CCDC146: variants seen among roughly 807,000 people sequenced by gnomAD.
CCDC146 encodes the protein coiled-coil domain-containing protein 146.
Under a neutral mutation model 119.3 loss-of-function variants are expected in CCDC146, and 92 were observed. That is an observed-to-expected ratio of 0.77 (90% CI 0.65 to 0.92). The LOEUF (loss-of-function observed/expected upper bound fraction) is 0.92, where lower values mean the gene tolerates loss of function less well. Ranked by LOEUF, CCDC146 falls within the 40% of genes least tolerant of loss-of-function variation. The pLI is 0.00. For missense variants in CCDC146, 1,000 were observed against 1,103.0 expected, an observed-to-expected ratio of 0.91 and a Z score of 1.32; for synonymous variants, 372 against 371.8, an observed-to-expected ratio of 1.00 and a Z score of -0.01.
chr7:77,196,010 T>C lies in CCDC146; in HGVS notation c.156+28186T>C, dbSNP rs866620690. 18 of 368,498 alleles carry C rather than the reference T, an allele frequency of 4.9e-5. No individual in the cohort carries two copies. The highest frequency in any genetic ancestry group is 2.9e-4 in the African/African-American group (14 of 47,908). 22.8% of individuals were successfully genotyped at this position (368,498 alleles called of 1,614,324 possible). ...ATACAAGCAATAGAAAAAGTTTCAATAGAAATTAAAAGAATTGTAAATCTA... is the reference window on the plus strand; with the variant it reads ...ATACAAGCAATAGAAAAAGTTTCAACAGAAATTAAAAGAATTGTAAATCTA... On this transcript the variant is annotated intron_variant, in intron 2 of 18. Coordinates refer to ENST00000285871, the MANE Select transcript of CCDC146 (RefSeq NM_020879.3). This position sits in a 1 kb window ranked among gnomAD's most constrained non-coding sequence, Gnocchi z 4.2.
intron 2 of CCDC146, among the ~76,000 whole-genome samples, chr7:77,190,715 C>A (rs1791747369): frequency 6.6e-6 from 1 of 152,180 alleles, no homozygotes; most frequent in African/African-American, 2.4e-5. Flanking sequence ...GGAGACCTGG[C>A]AAGCTTATGA....
At chr7:77,290,135 A>G (rs7798632) in intron 17 of CCDC146, among the ~76,000 whole-genome samples, 79,164 of 151,134 alleles carry the variant, frequency 0.52, 22,413 homozygotes, top group African/African-American at 0.74. Context: ...GCAAACTATC[A>G]CAAGGACAAA....
chr7:77,258,738 TCTGTAC>T (rs1243057924), intron 6 of CCDC146, among the ~76,000 whole-genome samples: 2 of 152,182 alleles, frequency 1.3e-5, no homozygotes. Flanking sequence ...TGGAGGAGCA[TCTGTAC>T]CTCCATAAAG....
At chr7:77,135,580 C>T (rs560743680) in intron 1 of CCDC146, among the ~76,000 whole-genome samples, 14 of 152,182 alleles carry the variant, frequency 9.2e-5, no homozygotes. Context: ...ATCAGTTAGC[C>T]TATAGTAATA....
intron 1 of CCDC146, among the ~76,000 whole-genome samples, chr7:77,151,077 T>C (rs1056307770): frequency 1.3e-5 from 2 of 152,204 alleles, no homozygotes; most frequent in Admixed American, 6.5e-5. Context: ...GGTGCCAACA[T>C]AGTCACCTTC....
rs769909418 is a variant in CCDC146, at chr7:77,259,986, GTGTGTGTGTGTA to G, written c.759-21_759-10del. 6 of 576,502 alleles carry G rather than the reference GTGTGTGTGTGTA, an allele frequency of 1.0e-5. No individual in the cohort carries two copies. The highest frequency in any genetic ancestry group is 2.8e-5 in the African/African-American group (1 of 35,358). The allele number at this position is 576,502 out of a possible 1,614,324, so 35.7% of individuals were successfully genotyped here. ...TGTGTGTGTGTGTGTGTGTGTGTGT[GTGTGTGTGTGTA>G]TCCCCTACAGAGAAATGGAAAAGAA... On this transcript the variant is annotated splice_polypyrimidine_tract_variant and intron_variant, in intron 7 of 18. Transcript: ENST00000285871.
chr7:77,280,629 A>C lies in CCDC146; in HGVS notation c.1895A>C (p.Lys632Thr). 6.2e-7 allele frequency: 1 copy of C among 1,613,292 alleles called. No individual in the cohort carries two copies. The change falls in exon 14 of 19, where the codon AAA becomes ACA. Residue 632 changes from lysine to threonine, a missense_variant. This residue lies in a region of CCDC146 where 985 missense variants were observed against 1,045.3 expected (regional missense o/e 0.94). Transcript: ENST00000285871. Reference protein sequence around the residue: ...EMVQLRKRYEKAVQHRNESGV... With the variant: ...EMVQLRKRYETAVQHRNESGV... ...GTGCAGCTTCGCAAAAGATACGAAA[A>C]AGCTGTTCAGCATCGAAATGAAAGG...
intron 11 of CCDC146, among the ~76,000 whole-genome samples, chr7:77,278,302 T>TCTTTG (rs1562859695): frequency 6.6e-6 from 1 of 152,178 alleles, no homozygotes; most frequent in Non-Finnish European, 1.5e-5. Flanking sequence ...TTCTCTTCTC[T>TCTTTG]CGTTTGTTCT....
intron 1 of CCDC146, among the ~76,000 whole-genome samples, chr7:77,132,796 A>G (rs937714426): frequency 2.0e-5 from 3 of 152,180 alleles, no homozygotes; most frequent in African/African-American, 7.2e-5. Context: ...AAGCAGTGTA[A>G]TTCACCACTC....
At chr7:77,247,335 C>A (rs1792971233) in intron 4 of CCDC146, among the ~76,000 whole-genome samples, 1 of 107,204 alleles carries the variant, frequency 9.3e-6, no homozygotes, top group South Asian at 3.6e-4. Context: ...CTTGCTGTCA[C>A]CATTTTGAAA....
rs1790846311 is a variant in CCDC146 at position 77,135,342 on chromosome 7, G to A, written c.-12+12610G>A. On this transcript the variant is annotated intron_variant, in intron 1 of 18. Coordinates refer to ENST00000285871, the MANE Select transcript of CCDC146 (RefSeq NM_020879.3). ...ATCTCTACAAAAAATACAAAAATTA[G>A]CCAGATGTGGTGGTGTGCATCTGTA... 2.0e-5 allele frequency among the ~76,000 whole-genome samples: 3 copies of A among 151,962 alleles called. No homozygotes were observed. In the South Asian group the frequency reaches 6.2e-4, roughly 32 times the overall value.
intron 2 of CCDC146, among the ~76,000 whole-genome samples, chr7:77,175,224 C>T (rs914894208): frequency 2.0e-5 from 3 of 150,902 alleles, no homozygotes; most frequent in Admixed American, 6.6e-5. Context: ...ATTATTTCGC[C>T]TAAGCGAAAT....
chr7:77,280,197 G>A (rs191986384), intron 13 of CCDC146, among the ~76,000 whole-genome samples: 2 of 151,984 alleles, frequency 1.3e-5, no homozygotes, highest in Admixed American at 1.3e-4. Context: ...CAGAACATTG[G>A]GGGGAAAAGG....
At position 77,260,161 on chromosome 7, in the gene CCDC146, A is replaced by C. The variant is rs976390847; in HGVS notation, c.911A>C (p.Lys304Thr). Reference sequence around the variant, plus strand: ...GGCAAACGAGCCTTACTTGAAATCAAAGAACGAGAACATAACCAATTGGTC... The same window carrying C: ...GGCAAACGAGCCTTACTTGAAATCACAGAACGAGAACATAACCAATTGGTC... Reference protein sequence around the residue: ...VEGKRALLEIKEREHNQLVKL... With the variant: ...VEGKRALLEITEREHNQLVKL... The change falls in exon 8 of 19, where the codon AAA (lysine) becomes ACA (threonine). Residue 304 changes from lysine to threonine, a missense_variant. Lys to Thr is a moderately conservative substitution (Grantham distance 78). Transcript: ENST00000285871. 6.2e-7 allele frequency: 1 copy of C among 1,614,168 alleles called. No homozygotes were observed.
intron 2 of CCDC146, among the ~76,000 whole-genome samples, chr7:77,224,929 G>C (rs1219599871): frequency 6.6e-6 from 1 of 152,136 alleles, no homozygotes; most frequent in East Asian, 1.9e-4. Context: ...TGAAAGGGGA[G>C]GGAATGAAGG....
intron 1 of CCDC146, among the ~76,000 whole-genome samples, chr7:77,128,415 T>C (rs1790738884): frequency 6.6e-6 from 1 of 151,944 alleles, no homozygotes. Flanking sequence ...AATTCATTCA[T>C]ACAAAAGAAT....
At chr7:77,146,872 C>T (rs1036260729) in intron 1 of CCDC146, among the ~76,000 whole-genome samples, 1 of 152,162 alleles carries the variant, frequency 6.6e-6, no homozygotes, top group Admixed American at 6.5e-5. Context: ...TTTGGTGAAT[C>T]TGACAATTAT....
At chr7:77,267,754 C>T (rs1793435281) in intron 9 of CCDC146, among the ~76,000 whole-genome samples, 1 of 152,184 alleles carries the variant, frequency 6.6e-6, no homozygotes, top group African/African-American at 2.4e-5. Flanking sequence ...AATTTATAAA[C>T]ATCCTGTTTT....
chr7:77,169,640 T>A (rs1791388002), intron 2 of CCDC146, among the ~76,000 whole-genome samples: 1 of 152,222 alleles, frequency 6.6e-6, no homozygotes, highest in South Asian at 2.1e-4. Flanking sequence ...TCACTGTCAT[T>A]CCTTCTCATG....
Sources: gnomAD v4.1 joint callset for allele counts (sites outside exome capture counted in the v4.1 genomes callset) on GRCh38, gnomAD v4.1.1 for gene constraint, gnomAD v4.1.1 regional missense constraint, Gnocchi (gnomAD v3.1) non-coding constraint, MANE v1.5 for transcripts, NCBI Gene and HGNC (gene_info 2026-07-23, HGNC 2026-07-21) for gene names.